The following SLC5A11 variants were observed in gnomAD, a reference collection of about 807,000 sequenced individuals.
SLC5A11 encodes solute carrier family 5 member 11.
SLC5A11 carries 48 observed loss-of-function variants against 69.8 expected under a neutral mutation model. The observed-to-expected ratio is 0.69, with a 90% CI of 0.55 to 0.87. The LOEUF is 0.87. SLC5A11 is among the 40% of genes least tolerant of loss of function. The probability of loss-of-function intolerance (pLI) is 0.00; values close to 1 mark genes in which losing one functional copy is unlikely to be tolerated. For missense variants in SLC5A11, 784 were observed against 866.1 expected, an observed-to-expected ratio of 0.91 and a Z score of 1.19; for synonymous variants, 319 against 342.4, an observed-to-expected ratio of 0.93 and a Z score of 0.75.
intron 10 of SLC5A11, 125 bp downstream of exon 11, chr16:24,898,234 C>T: frequency 3.9e-6 from 5 of 1,277,542 alleles, no homozygotes; most frequent in Non-Finnish European, 5.3e-6. Flanking sequence ...TTTTCTAAGA[C>T]AGAGTCTCAT....
chr16:24,905,646 A>G (rs201312506), intron 10 of SLC5A11, among the ~76,000 whole-genome samples: 27,734 of 100,164 alleles, frequency 0.28, 2,686 homozygotes, highest in Non-Finnish European at 0.32. Flanking sequence ...GCGCGCACAC[A>G]CACACACACA....
At chr16:24,905,244 T>C (rs1212017947) in intron 10 of SLC5A11, among the ~76,000 whole-genome samples, 2 of 126,656 alleles carry the variant, frequency 1.6e-5, no homozygotes, top group Non-Finnish European at 3.1e-5. Context: ...GGCAACATGA[T>C]GGAACCCCGT....
intron 14 of SLC5A11, among the ~76,000 whole-genome samples, chr16:24,909,832 A>T (rs2050373834): frequency 2.4e-5 from 1 of 41,682 alleles, no homozygotes; most frequent in Non-Finnish European, 7.7e-5. Context: ...CTGTCTTTAA[A>T]AAAAAAAAAA....
chr16:24,908,988 C>G (rs1315830272), exon 14 of SLC5A11: 1 of 1,614,082 alleles, frequency 6.2e-7, no homozygotes, highest in East Asian at 2.2e-5. Context: ...AGCGCCCGGT[C>G]CTGGTGAAGA....
At chr16:24,898,803 C>T (rs181849544) in intron 10 of SLC5A11, among the ~76,000 whole-genome samples, 232 of 152,254 alleles carry the variant, frequency 1.5e-3, no homozygotes, top group Non-Finnish European at 2.7e-3. Flanking sequence ...CAGGCGTAAG[C>T]CACCATGCCT....
intron 10 of SLC5A11, among the ~76,000 whole-genome samples, chr16:24,901,929 A>ACACACACACACAC (rs1567684557): frequency 1.8e-5 from 2 of 111,252 alleles, no homozygotes; most frequent in African/African-American, 7.4e-5. Flanking sequence ...TGGAAAAAAA[A>ACACACACACACAC]ATACACACAC....
At chr16:24,894,435 C>T (rs986647067) in intron 9 of SLC5A11, among the ~76,000 whole-genome samples, 4 of 152,318 alleles carry the variant, frequency 2.6e-5, no homozygotes, top group Non-Finnish European at 4.4e-5. Context: ...ATGGCCCCTC[C>T]TCCCCACATA....
intron 8 of SLC5A11, among the ~76,000 whole-genome samples, chr16:24,889,617 A>G (rs2048640134): frequency 7.4e-6 from 1 of 135,366 alleles, no homozygotes; most frequent in Non-Finnish European, 1.5e-5. Context: ...CAGTGGCGCA[A>G]TCTTGCCTCA....
At chr16:24,892,817 C>A (rs1401698835) in intron 9 of SLC5A11, among the ~76,000 whole-genome samples, 1 of 152,114 alleles carries the variant, frequency 6.6e-6, no homozygotes, top group Non-Finnish European at 1.5e-5. Flanking sequence ...CATAGGCCAG[C>A]CCTCCTTTGA....
intron 9 of SLC5A11, among the ~76,000 whole-genome samples, chr16:24,891,470 A>G (rs2093583254): frequency 1.3e-5 from 2 of 152,042 alleles, no homozygotes; most frequent in Non-Finnish European, 1.5e-5. Flanking sequence ...ACATGCCACC[A>G]TGCCCAGCTA....
intron 7 of SLC5A11, among the ~76,000 whole-genome samples, chr16:24,879,012 G>A (rs1469708186): frequency 1.3e-5 from 2 of 152,180 alleles, no homozygotes; most frequent in African/African-American, 4.8e-5. Context: ...TCCAGCCTGG[G>A]CAACAGAGTG....
intron 2 of SLC5A11, among the ~76,000 whole-genome samples, chr16:24,861,685 G>A: frequency 7.1e-6 from 1 of 141,600 alleles, no homozygotes; most frequent in African/African-American, 2.7e-5. Flanking sequence ...AGGAAGGGAG[G>A]GAGGAAGGAA....
intron 3 of SLC5A11, 44 bp from the exon 5 acceptor site, chr16:24,869,857 C>T (rs766393618): frequency 2.1e-6 from 3 of 1,419,038 alleles, no homozygotes; most frequent in South Asian, 1.2e-5. Context: ...GAGCAGGTAC[C>T]CTTGACTTTG....
chr16:24,863,816 T>G (rs2046749391), intron 3 of SLC5A11, among the ~76,000 whole-genome samples: 1 of 152,216 alleles, frequency 6.6e-6, no homozygotes, highest in Admixed American at 6.5e-5. Context: ...TGTTGTAGCC[T>G]TGGGAAACCA....
chr16:24,904,479 A>T (rs1451749658), intron 10 of SLC5A11, among the ~76,000 whole-genome samples: 2 of 152,010 alleles, frequency 1.3e-5, no homozygotes, highest in Non-Finnish European at 2.9e-5. Context: ...TGAGGTTTTG[A>T]TTTGCATTTC....
At chr16:24,891,906 G>C (rs760297059) in intron 9 of SLC5A11, among the ~76,000 whole-genome samples, 8 of 152,076 alleles carry the variant, frequency 5.3e-5, no homozygotes, top group East Asian at 1.9e-4. Flanking sequence ...AAAAAGTAGA[G>C]TGAGGTCAAG....
chr16:24,868,178 A>G (rs910820282), intron 3 of SLC5A11, among the ~76,000 whole-genome samples: 2 of 151,726 alleles, frequency 1.3e-5, no homozygotes, highest in Non-Finnish European at 2.9e-5. Context: ...AGTAATCACA[A>G]AACTTCTCAC....
chr16:24,875,605 A>G, intron 5 of SLC5A11, 22 bp from the exon 7 acceptor site: 1 of 1,607,274 alleles, frequency 6.2e-7, no homozygotes, highest in East Asian at 2.2e-5. Flanking sequence ...GCTGGTGGTG[A>G]AATCTCAGCT....
intron 1 of SLC5A11, among the ~76,000 whole-genome samples, chr16:24,849,593 A>AAAAATTT: frequency 2.8e-5 from 1 of 35,922 alleles, no homozygotes; most frequent in Non-Finnish European, 5.6e-5. Flanking sequence ...AAAAAAAAAA[A>AAAAATTT]ATATATATAT....
Sources: gnomAD v4.1 joint callset for allele counts (sites outside exome capture counted in the v4.1 genomes callset) on GRCh38, gnomAD v4.1.1 for gene constraint, MANE v1.5 for transcripts, NCBI Gene and HGNC (gene_info 2026-07-23, HGNC 2026-07-21) for gene names.